The following IQCH variants were observed in gnomAD, a reference collection of about 807,000 sequenced individuals.
IQCH encodes the protein IQ domain-containing protein H.
In IQCH, 98 loss-of-function variants were observed where a neutral mutation model predicts 117.0. The observed-to-expected ratio is 0.84, with a 90% CI of 0.71 to 0.99. The LOEUF (loss-of-function observed/expected upper bound fraction) is 0.99, where lower values mean the gene tolerates loss of function less well. Ranked by LOEUF, IQCH falls within the 50% of genes least tolerant of loss-of-function variation. The pLI, the probability that IQCH is intolerant of heterozygous loss-of-function variation, is 0.00. For missense variants in IQCH, 1,102 were observed against 1,243.8 expected, an observed-to-expected ratio of 0.89 and a Z score of 1.72; for synonymous variants, 412 against 448.2, an observed-to-expected ratio of 0.92 and a Z score of 1.02.
intron 3 of IQCH, among the ~76,000 whole-genome samples, chr15:67,274,508 TTTA>T (rs1433105654): frequency 1.3e-5 from 2 of 152,214 alleles, no homozygotes; most frequent in Non-Finnish European, 2.9e-5. Context: ...TGGTTTTATT[TTTA>T]TTATTTCAAT....
intron 8 of IQCH, among the ~76,000 whole-genome samples, chr15:67,367,997 C>T (rs1448297894): frequency 6.6e-6 from 1 of 152,080 alleles, no homozygotes; most frequent in Non-Finnish European, 1.5e-5. Flanking sequence ...TAGTAAAAAC[C>T]ACATTGACTA....
At position 67,476,352 on chromosome 15, in the gene IQCH, A is replaced by T. The variant is rs535029857; in HGVS notation, c.2799+534A>T. On this transcript the variant is annotated intron_variant, in intron 18 of 20. Coordinates refer to ENST00000335894, the MANE Select transcript of IQCH (RefSeq NM_001031715.3). The surrounding 1 kb of genome is among the most constrained non-coding windows in gnomAD (Gnocchi z 4.1). ...GGCTGCCTCCTTGCGGTGTCCTCAC[A>T]TATGGAAGGAGAGAGAGAGAGATCT... Among the ~76,000 whole-genome samples the T allele has an allele frequency of 6.6e-6, 1 of 152,182 alleles. No homozygotes were observed. The highest frequency in any genetic ancestry group is 2.4e-5 in the African/African-American group (1 of 41,440).
rs745888429 is a variant in IQCH at position 67,499,922 on chromosome 15, T to C, written c.2971-711T>C. On this transcript the variant is annotated intron_variant, in intron 20 of 20. Transcript: ENST00000335894. The stretch of plus-strand genomic sequence containing the variant: ...GAAATGTGCAGAAGAGGTAGATCCA[T>C]AGAGACAGAAATAGATTAGTGGTTG... 1.1e-4 allele frequency among the ~76,000 whole-genome samples: 16 copies of C among 152,166 alleles called. No homozygotes were observed. In the East Asian group the frequency reaches 2.5e-3, roughly 24 times the overall value.
intron 4 of IQCH, among the ~76,000 whole-genome samples, chr15:67,322,784 TG>T (rs1251684474): frequency 5.9e-5 from 3 of 50,696 alleles, no homozygotes; most frequent in Non-Finnish European, 1.1e-4. Flanking sequence ...ACAGGGGATG[TG>T]GGGGGTGGTT....
At position 67,388,716 on chromosome 15, in the gene IQCH, AC is replaced by A; in HGVS notation, c.1457-113del. On this transcript the variant is annotated intron_variant, in intron 11 of 20. Transcript: ENST00000335894. The surrounding 1 kb of genome is among the most constrained non-coding windows in gnomAD (Gnocchi z 5.5). Reference sequence around the variant, plus strand: ...ACAAAACCAAACTAAATTAACCTTAACCTGGGTTTTGGATATGCTCTTTATT... The same window carrying A: ...ACAAAACCAAACTAAATTAACCTTAACTGGGTTTTGGATATGCTCTTTATT... The A allele has an allele frequency of 1.1e-6, 1 of 870,426 alleles. No homozygotes were observed. The highest frequency in any genetic ancestry group is 2.5e-5 in the East Asian group (1 of 39,962). 53.9% of individuals were successfully genotyped at this position (870,426 alleles called of 1,614,324 possible).
At position 67,424,167 on chromosome 15, in the gene IQCH, C is replaced by T. The variant is rs75789240; in HGVS notation, c.2505+2590C>T. Among the ~76,000 whole-genome samples the T allele has an allele frequency of 4.1e-4, 62 of 152,248 alleles. No individual in the cohort carries two copies. In the East Asian group the frequency reaches 8.3e-3, roughly 20 times the overall value. Reference sequence around the variant, plus strand: ...ACTTGCCCTCTGTTTTGTTCTGGTCCATCCACACACCCTGTCTCATTCCCT... The same window carrying T: ...ACTTGCCCTCTGTTTTGTTCTGGTCTATCCACACACCCTGTCTCATTCCCT... On this transcript the variant is annotated intron_variant, in intron 16 of 20. Coordinates refer to ENST00000335894, the MANE Select transcript of IQCH (RefSeq NM_001031715.3). The surrounding 1 kb of genome is among the most constrained non-coding windows in gnomAD (Gnocchi z 4.9).
At position 67,407,396 on chromosome 15, in the gene IQCH, T is replaced by G. The variant is rs550904145; in HGVS notation, c.2097+7091T>G. ...AATCATTTACATATTTGTCTTCATCTCTGAGAATGACTTAGAATGTTTTCT... is the reference window on the plus strand; with the variant it reads ...AATCATTTACATATTTGTCTTCATCGCTGAGAATGACTTAGAATGTTTTCT... On this transcript the variant is annotated intron_variant, in intron 14 of 20. Coordinates refer to ENST00000335894, the MANE Select transcript of IQCH (RefSeq NM_001031715.3). This position sits in a 1 kb window ranked among gnomAD's most constrained non-coding sequence, Gnocchi z 5.3. 2.0e-5 allele frequency: 3 copies of G among 152,330 alleles called. No homozygotes were observed. The highest frequency in any genetic ancestry group is 2.0e-4 in the Admixed American group (3 of 15,298). 9.4% of individuals were successfully genotyped at this position (152,330 alleles called of 1,614,324 possible). A position where few individuals can be genotyped will look rare whatever the true frequency, so the allele number is the denominator to read the frequency against.
chr15:67,371,643 A>G, intron 8 of IQCH: 1 of 689,458 alleles, frequency 1.5e-6, no homozygotes, highest in South Asian at 2.2e-5. Context: ...ATGAAGTCAG[A>G]AACAATTTTT....
At position 67,473,959 on chromosome 15, in the gene IQCH, C is replaced by T. The variant is rs371569841; in HGVS notation, c.2677-1737C>T. On this transcript the variant is annotated intron_variant, in intron 17 of 20. Transcript: ENST00000335894. The surrounding 1 kb of genome is among the most constrained non-coding windows in gnomAD (Gnocchi z 4.9). ...GGATGAGCAGCCTTAACTGGTGGCA[C>T]TGATGATGTGACCTTCGGACACAGG... Among the ~76,000 whole-genome samples, 1 of 152,028 alleles carries T rather than the reference C, an allele frequency of 6.6e-6. No homozygotes were observed. The highest frequency in any genetic ancestry group is 1.5e-5 in the Non-Finnish European group (1 of 68,010).
At chr15:67,389,699 G>A (rs565229701) in intron 12 of IQCH, among the ~76,000 whole-genome samples, 1 of 152,250 alleles carries the variant, frequency 6.6e-6, no homozygotes, top group Admixed American at 6.5e-5. Context: ...AATGGACTAT[G>A]CATTTTTGAG....
intron 16 of IQCH, among the ~76,000 whole-genome samples, chr15:67,437,354 G>C (rs550911393): frequency 9.2e-5 from 14 of 152,294 alleles, no homozygotes; most frequent in Non-Finnish European, 1.8e-4. Flanking sequence ...ATAGGAAAAG[G>C]GGGAGAGTAC....
intron 16 of IQCH, among the ~76,000 whole-genome samples, chr15:67,442,017 G>T (rs886707945): frequency 2.0e-5 from 3 of 152,004 alleles, no homozygotes; most frequent in Admixed American, 6.6e-5. Flanking sequence ...AATCTACAAC[G>T]AACTCAAACA....
intron 5 of IQCH, among the ~76,000 whole-genome samples, chr15:67,338,538 T>G (rs1174815218): frequency 3.3e-5 from 5 of 151,936 alleles, no homozygotes; most frequent in African/African-American, 9.7e-5. Context: ...TCTGATGCCC[T>G]TAAATGTTGT....
intron 4 of IQCH, among the ~76,000 whole-genome samples, chr15:67,310,869 G>A (rs1032982836): frequency 6.6e-6 from 1 of 152,052 alleles, no homozygotes; most frequent in Non-Finnish European, 1.5e-5. Flanking sequence ...AAAGAGAAGG[G>A]TGGCGAGATA....
rs1015144086 is a variant in IQCH at position 67,365,663 on chromosome 15, C to G, written c.753+5778C>G. On this transcript the variant is annotated intron_variant, in intron 8 of 20. Coordinates refer to ENST00000335894, the MANE Select transcript of IQCH (RefSeq NM_001031715.3). This position sits in a 1 kb window ranked among gnomAD's most constrained non-coding sequence, Gnocchi z 4.4. Reference sequence around the variant, plus strand: ...TAGGTATAGAAGCCACGCACGGTGGCTCACGCCTGTAATCCCAGCACTTTG... The same window carrying G: ...TAGGTATAGAAGCCACGCACGGTGGGTCACGCCTGTAATCCCAGCACTTTG... Among the ~76,000 whole-genome samples the G allele has an allele frequency of 2.6e-5, 4 of 152,306 alleles. No individual in the cohort carries two copies. The highest frequency in any genetic ancestry group is 9.6e-5 in the African/African-American group (4 of 41,566).
At chr15:67,323,776 T>G (rs961933576) in intron 4 of IQCH, among the ~76,000 whole-genome samples, 4 of 152,056 alleles carry the variant, frequency 2.6e-5, no homozygotes, top group Admixed American at 2.0e-4. Flanking sequence ...TTTACATATA[T>G]TATAAAATGC....
chr15:67,460,425 G>A (rs1386084588), intron 16 of IQCH, among the ~76,000 whole-genome samples: 1 of 152,062 alleles, frequency 6.6e-6, no homozygotes, highest in Non-Finnish European at 1.5e-5. Context: ...TTGCTGTTTT[G>A]TGCATCTTCC....
intron 4 of IQCH, chr15:67,304,505 G>GACTT: frequency 1.1e-6 from 1 of 918,042 alleles, no homozygotes; most frequent in Non-Finnish European, 1.6e-6. Flanking sequence ...AGAAATAAAA[G>GACTT]TCATTTATTA....
chr15:67,353,390 C>T (rs999278167), intron 6 of IQCH, among the ~76,000 whole-genome samples: 2 of 148,506 alleles, frequency 1.3e-5, no homozygotes, highest in Non-Finnish European at 3.0e-5. Flanking sequence ...GACAGAGTCT[C>T]ACTCTGTAGC....
Sources: gnomAD v4.1 joint callset for allele counts (sites outside exome capture counted in the v4.1 genomes callset) on GRCh38, gnomAD v4.1.1 for gene constraint, Gnocchi (gnomAD v3.1) non-coding constraint, MANE v1.5 for transcripts, NCBI Gene and HGNC (gene_info 2026-07-23, HGNC 2026-07-21) for gene names.